GUCY1A1: variants seen among roughly 807,000 people sequenced by gnomAD.
GUCY1A1 encodes the protein guanylate cyclase soluble subunit alpha-1.
Under a neutral mutation model 64.5 loss-of-function variants are expected in GUCY1A1, and 48 were observed. That is an observed-to-expected ratio of 0.74 (90% CI 0.59 to 0.95). The LOEUF is 0.95. Among genes scored for constraint, GUCY1A1 ranks in the 40% least tolerant of loss-of-function variants. The pLI is 0.00. For missense variants in GUCY1A1, 804 were observed against 825.3 expected, an observed-to-expected ratio of 0.97 and a Z score of 0.32; for synonymous variants, 308 against 303.4, an observed-to-expected ratio of 1.02 and a Z score of -0.16.
chr4:155,685,012 A>G (rs1411431855), intron 2 of GUCY1A1, among the ~76,000 whole-genome samples: 1 of 152,154 alleles, frequency 6.6e-6, no homozygotes, highest in African/African-American at 2.4e-5. Flanking sequence ...AATAATCACC[A>G]TGATATGTCA....
intron 2 of GUCY1A1, among the ~76,000 whole-genome samples, chr4:155,669,877 A>G (rs1191578703): frequency 6.6e-6 from 1 of 152,144 alleles, no homozygotes; most frequent in Admixed American, 6.5e-5. Flanking sequence ...TGAGGATAAT[A>G]TTTCTTGCTT....
intron 2 of GUCY1A1, among the ~76,000 whole-genome samples, chr4:155,688,722 G>T (rs946258561): frequency 6.6e-6 from 1 of 151,532 alleles, no homozygotes; most frequent in African/African-American, 2.4e-5. Flanking sequence ...AAAATAAAAG[G>T]ACTTAGGGAA....
At chr4:155,688,612 T>C (rs1729323855) in intron 2 of GUCY1A1, among the ~76,000 whole-genome samples, 1 of 152,138 alleles carries the variant, frequency 6.6e-6, no homozygotes, top group Non-Finnish European at 1.5e-5. Flanking sequence ...TCACCTTATA[T>C]GCAAATTTAA....
At chr4:155,725,709 T>C (rs1734569914) in intron 9 of GUCY1A1, among the ~76,000 whole-genome samples, 1 of 152,074 alleles carries the variant, frequency 6.6e-6, no homozygotes, top group African/African-American at 2.4e-5. Flanking sequence ...TAGCTACTTA[T>C]TTTTCTTCAA....
At chr4:155,723,524 AAG>A (rs1462289415) in intron 9 of GUCY1A1, among the ~76,000 whole-genome samples, 1 of 152,158 alleles carries the variant, frequency 6.6e-6, no homozygotes, top group Non-Finnish European at 1.5e-5. Flanking sequence ...TAAGTAACAA[AAG>A]AGTTTTTCAG....
chr4:155,699,738 ACTG>A (rs1180621853), intron 3 of GUCY1A1, among the ~76,000 whole-genome samples: 20 of 152,176 alleles, frequency 1.3e-4, no homozygotes, highest in Non-Finnish European at 2.5e-4. Flanking sequence ...TAATGCTTAG[ACTG>A]CTATTTAGTG....
rs550470224 is a variant in GUCY1A1 at position 155,684,331 on chromosome 4, T to G, written c.-112-12425T>G. ...AGTCCAAATTCATTTCTGGTAATGA[T>G]TCTTCTAAACTAATCATTATGTAAA... On this transcript the variant is annotated intron_variant, in intron 2 of 9. Transcript: ENST00000506455. 2.0e-5 allele frequency among the ~76,000 whole-genome samples: 3 copies of G among 152,296 alleles called. No homozygotes were observed. In the East Asian group the frequency reaches 5.8e-4, roughly 29 times the overall value.
intron 8 of GUCY1A1, among the ~76,000 whole-genome samples, chr4:155,721,389 T>A (rs1397389940): frequency 1.3e-5 from 2 of 152,142 alleles, no homozygotes; most frequent in African/African-American, 4.8e-5. Context: ...ATGGCACAAA[T>A]CTGATCTTTC....
rs543187171 is a variant in GUCY1A1, at chr4:155,734,365, C to T, written c.*4134C>T. The T allele has an allele frequency of 7.9e-5, 12 of 151,956 alleles. No individual in the cohort carries two copies. Among genetic ancestry groups the T allele is most frequent in the Admixed American group, 1.3e-4 (2 of 15,236 alleles). 9.4% of individuals were successfully genotyped at this position (151,956 alleles called of 1,614,324 possible). ...CCTTGTTGATGCAAATGTTAGTCGCCCAAAGCAGAATGGGTTAACGAATTA... is the reference window on the plus strand; with the variant it reads ...CCTTGTTGATGCAAATGTTAGTCGCTCAAAGCAGAATGGGTTAACGAATTA... On this transcript the variant is annotated 3_prime_UTR_variant, in exon 10 of 10. Transcript: ENST00000506455.
intron 2 of GUCY1A1, among the ~76,000 whole-genome samples, chr4:155,674,259 G>A (rs1165022841): frequency 3.3e-5 from 5 of 151,134 alleles, no homozygotes; most frequent in Admixed American, 6.6e-5. Context: ...GGAGGCTGAC[G>A]CAGAGAATTG....
chr4:155,696,124 G>C (rs1214714748), intron 2 of GUCY1A1, among the ~76,000 whole-genome samples: 2 of 152,104 alleles, frequency 1.3e-5, no homozygotes, highest in African/African-American at 4.8e-5. Flanking sequence ...CAGGAGTTCT[G>C]ATGTTTTTTT....
intron 2 of GUCY1A1, among the ~76,000 whole-genome samples, chr4:155,693,691 C>T (rs930827110): frequency 8.5e-5 from 13 of 152,130 alleles, no homozygotes; most frequent in Non-Finnish European, 1.5e-5. Context: ...TTAAAGTAAG[C>T]ACAACTTACT....
At chr4:155,684,518 T>C (rs2126638684) in intron 2 of GUCY1A1, among the ~76,000 whole-genome samples, 1 of 152,268 alleles carries the variant, frequency 6.6e-6, no homozygotes, top group South Asian at 2.1e-4. Flanking sequence ...CTAGAAAAGG[T>C]ACCTGACTAC....
intron 9 of GUCY1A1, among the ~76,000 whole-genome samples, chr4:155,729,641 G>T (rs1735272464): frequency 6.6e-6 from 1 of 151,744 alleles, no homozygotes; most frequent in Non-Finnish European, 1.5e-5. Context: ...CAAAATTAAT[G>T]AATTGATAAA....
intron 5 of GUCY1A1, among the ~76,000 whole-genome samples, chr4:155,709,781 C>A (rs183762227): frequency 1.3e-5 from 2 of 151,722 alleles, no homozygotes; most frequent in Non-Finnish European, 2.9e-5. Flanking sequence ...TACAGTGAGC[C>A]GAGATCGCAC....
chr4:155,732,774 T>C lies in GUCY1A1; in HGVS notation c.*2543T>C, dbSNP rs1415027936. On this transcript the variant is annotated 3_prime_UTR_variant, in exon 10 of 10. Coordinates refer to ENST00000506455, the MANE Select transcript of GUCY1A1 (RefSeq NM_001130682.3). ...AAATAAGACTGGGTCTCAAGACTGCTTCCCTAACAGACTGTTTCTCCTGAA... is the reference window on the plus strand; with the variant it reads ...AAATAAGACTGGGTCTCAAGACTGCCTCCCTAACAGACTGTTTCTCCTGAA... Among the ~76,000 whole-genome samples, 1 of 151,924 alleles carries C rather than the reference T, an allele frequency of 6.6e-6. No individual in the cohort carries two copies. The highest frequency in any genetic ancestry group is 6.6e-5 in the Admixed American group (1 of 15,222).
chr4:155,676,534 T>G (rs1734969830), intron 2 of GUCY1A1, among the ~76,000 whole-genome samples: 1 of 151,506 alleles, frequency 6.6e-6, no homozygotes, highest in Non-Finnish European at 1.5e-5. Context: ...TGAAAAGGTA[T>G]TTGGCTGTGT....
In GUCY1A1 at chr4:155,730,841, C is replaced by T. The variant is rs560353097; in HGVS notation, c.*610C>T. 2.9e-3 allele frequency: 447 copies of T among 152,974 alleles called. 1 individual carries two copies. The highest frequency in any genetic ancestry group is 3.7e-3 in the Non-Finnish European group (254 of 67,786). 9.5% of individuals were successfully genotyped at this position (152,974 alleles called of 1,614,324 possible). On this transcript the variant is annotated 3_prime_UTR_variant, in exon 10 of 10. Coordinates refer to ENST00000506455, the MANE Select transcript of GUCY1A1 (RefSeq NM_001130682.3). The stretch of plus-strand genomic sequence containing the variant: ...TGAATATAAAATAGTTCTGTAAATA[C>T]CAAATATTATTTTTAGTTCTGGAAG...
rs1735812689 is a variant in GUCY1A1, at chr4:155,733,966, A to G, written c.*3735A>G. On this transcript the variant is annotated 3_prime_UTR_variant, in exon 10 of 10. Coordinates refer to ENST00000506455, the MANE Select transcript of GUCY1A1 (RefSeq NM_001130682.3). ...TAAAGCTGGGATGTCTGGCATTGGA[A>G]TTTTATGTCACTCTCAAGGCTAATT... Among the ~76,000 whole-genome samples the G allele has an allele frequency of 6.6e-6, 1 of 151,980 alleles. No homozygotes were observed. The highest frequency in any genetic ancestry group is 6.6e-5 in the Admixed American group (1 of 15,230).
Sources: gnomAD v4.1 joint callset for allele counts (sites outside exome capture counted in the v4.1 genomes callset) on GRCh38, gnomAD v4.1.1 for gene constraint, MANE v1.5 for transcripts, NCBI Gene and HGNC (gene_info 2026-07-23, HGNC 2026-07-21) for gene names.